Variants in ALPL observed in about 807,000 individuals in gnomAD.
ALPL encodes the protein alkaline phosphatase, biomineralization associated, also known as alkaline phosphatase, tissue-nonspecific isozyme.
A neutral mutation model predicts 51.3 loss-of-function variants in ALPL; 42 were observed. The observed-to-expected ratio is 0.82, with a 90% CI of 0.64 to 1.06. ALPL has a LOEUF of 1.06. Among genes scored for constraint, ALPL ranks in the 50% least tolerant of loss-of-function variants. The pLI, the probability that ALPL is intolerant of heterozygous loss-of-function variation, is 0.00. For synonymous variants in ALPL, 279 were observed against 296.4 expected (o/e 0.94, Z 0.60); for missense variants, 589 against 709.4 (o/e 0.83, Z 1.93).
intron 9 of ALPL, chr1:21,574,077 G>A (rs1313979466): frequency 1.0e-6 from 1 of 985,422 alleles, no homozygotes; most frequent in East Asian, 1.1e-4. Flanking sequence ...TCTTTCTTGG[G>A]GACCTGGCCC....
rs765149569 is a variant in ALPL, at chr1:21,568,237, C to T, written c.782C>T (p.Pro261Leu). The T allele has an allele frequency of 2.7e-5, 43 of 1,613,890 alleles. No individual in the cohort carries two copies. Among genetic ancestry groups the T allele is most frequent in the African/African-American group, 9.3e-5 (7 of 74,876 alleles). ...DLVDTWKSFK[P>L]RYKHSHFIWN... ...GTTGACACCTGGAAGAGCTTCAAAC[C>T]GAGATACAAGGTAGCCTGTGCTGGG... The change falls in exon 7 of 12, where the codon CCG (proline) becomes CTG (leucine). Residue 261 changes from proline (P) to leucine (L), a missense_variant. Coordinates refer to ENST00000374840, the MANE Select transcript of ALPL (RefSeq NM_000478.6).
intron 1 of ALPL, among the ~76,000 whole-genome samples, chr1:21,519,400 C>G (rs981440082): frequency 3.9e-5 from 6 of 152,232 alleles, no homozygotes. Context: ...TTGATGAGTG[C>G]GATACGTCTT....
At chr1:21,575,553 C>G (rs1013731367) in intron 9 of ALPL, among the ~76,000 whole-genome samples, 180 bp from the exon 10 acceptor site, 1 of 152,208 alleles carries the variant, frequency 6.6e-6, no homozygotes, top group Non-Finnish European at 1.5e-5. Context: ...CTCTGGCCTC[C>G]GTCAGGTTGA....
chr1:21,522,135 A>G (rs1379119564), intron 1 of ALPL, among the ~76,000 whole-genome samples: 34 of 149,498 alleles, frequency 2.3e-4, no homozygotes, highest in Admixed American at 4.1e-4. Context: ...GCAGTGGCGC[A>G]ATCTCGGCTC....
intron 1 of ALPL, among the ~76,000 whole-genome samples, chr1:21,516,200 C>T (rs1643796906): frequency 6.6e-6 from 1 of 152,094 alleles, no homozygotes; most frequent in Admixed American, 6.6e-5. Context: ...TTTGGAGGAT[C>T]TCATCCCCCT....
At chr1:21,563,828 G>C (rs1346138649) in intron 5 of ALPL, among the ~76,000 whole-genome samples, 1 of 152,178 alleles carries the variant, frequency 6.6e-6, no homozygotes, top group Non-Finnish European at 1.5e-5. Context: ...TTCGGGGTGA[G>C]GGGAGAGGGT....
chr1:21,533,934 AAAAGAAG>A (rs1347128124), intron 1 of ALPL, among the ~76,000 whole-genome samples: 548 of 132,320 alleles, frequency 4.1e-3, no homozygotes, highest in Non-Finnish European at 5.7e-3. Context: ...CAAAAAAAAA[AAAAGAAG>A]AAGAAGAAGA....
At chr1:21,566,869 T>A (rs1644572541) in intron 6 of ALPL, among the ~76,000 whole-genome samples, 1 of 152,208 alleles carries the variant, frequency 6.6e-6, no homozygotes, top group Non-Finnish European at 1.5e-5. Flanking sequence ...AGTGCTGGGA[T>A]TACAGGCATG....
intron 1 of ALPL, among the ~76,000 whole-genome samples, chr1:21,516,065 A>T (rs1697399): frequency 0.84 from 127,429 of 152,118 alleles, 53,999 homozygotes; most frequent in East Asian, 1. Flanking sequence ...TTACTTGTAG[A>T]GATGAGGTCT....
At chr1:21,511,509 C>T (rs574049717) in intron 1 of ALPL, among the ~76,000 whole-genome samples, 3 of 152,196 alleles carry the variant, frequency 2.0e-5, no homozygotes, top group African/African-American at 2.4e-5. Context: ...AAATGCAATG[C>T]GGAGACTGGA....
chr1:21,527,203 T>C (rs1181194295), intron 1 of ALPL, among the ~76,000 whole-genome samples: 2 of 152,030 alleles, frequency 1.3e-5, no homozygotes, highest in East Asian at 3.9e-4. Flanking sequence ...CAGCTAATTT[T>C]GTATTTTTAG....
intron 1 of ALPL, among the ~76,000 whole-genome samples, chr1:21,510,698 C>A (rs1323805792): frequency 6.6e-6 from 1 of 152,176 alleles, no homozygotes; most frequent in Admixed American, 6.5e-5. Flanking sequence ...AGATAGGGGG[C>A]TGAGCCTTGG....
chr1:21,554,811 G>GTCTT (rs1432249256), intron 2 of ALPL, among the ~76,000 whole-genome samples: 49 of 48,348 alleles, frequency 1.0e-3, no homozygotes, highest in African/African-American at 2.3e-3. Flanking sequence ...CTGTCTGTCT[G>GTCTT]TCTGTCTTTC....
At chr1:21,555,477 C>T (rs541436000) in intron 2 of ALPL, among the ~76,000 whole-genome samples, 10 of 152,304 alleles carry the variant, frequency 6.6e-5, no homozygotes, top group East Asian at 1.9e-4. Context: ...AGTGCAGTGA[C>T]GTGATCTCAG....
intron 1 of ALPL, among the ~76,000 whole-genome samples, chr1:21,550,962 A>G (rs1644313278): frequency 6.6e-6 from 1 of 152,168 alleles, no homozygotes; most frequent in Non-Finnish European, 1.5e-5. Flanking sequence ...AAGCCATTAT[A>G]AACAGGGCTG....
intron 1 of ALPL, among the ~76,000 whole-genome samples, chr1:21,520,996 C>T (rs745990500): frequency 3.7e-4 from 57 of 152,196 alleles, no homozygotes; most frequent in Admixed American, 7.9e-4. Flanking sequence ...AGCAACCTCT[C>T]CCTGTTTGTG....
chr1:21,529,558 G>A (rs775865619), intron 1 of ALPL, among the ~76,000 whole-genome samples: 1 of 152,130 alleles, frequency 6.6e-6, no homozygotes, highest in East Asian at 1.9e-4. Flanking sequence ...TCCTGGAAGC[G>A]TCCTCAAGCT....
chr1:21,573,449 G>C (rs144184653), intron 8 of ALPL, among the ~76,000 whole-genome samples: 1 of 103,752 alleles, frequency 9.6e-6, no homozygotes, highest in African/African-American at 4.3e-5. Context: ...AAAAAAAAAA[G>C]AAAAGAAAAG....
chr1:21,524,960 G>A (rs781482222), intron 1 of ALPL, among the ~76,000 whole-genome samples: 8 of 152,224 alleles, frequency 5.3e-5, no homozygotes, highest in African/African-American at 7.2e-5. Flanking sequence ...ACTCAGAAAC[G>A]TAAGTGGGGG....
Sources: gnomAD v4.1 joint callset for allele counts (sites outside exome capture counted in the v4.1 genomes callset) on GRCh38, gnomAD v4.1.1 for gene constraint, MANE v1.5 for transcripts, NCBI Gene and HGNC (gene_info 2026-07-23, HGNC 2026-07-21) for gene names.